The following FGF14 variants were observed in gnomAD, a reference collection of about 807,000 sequenced individuals.
FGF14 encodes the protein fibroblast growth factor 14.
In FGF14, 5 loss-of-function variants were observed where a neutral mutation model predicts 25.5. The ratio of observed to expected loss-of-function variants is 0.20; its 90% confidence interval spans 0.10 to 0.41. The LOEUF (loss-of-function observed/expected upper bound fraction) is 0.41, where lower values mean the gene tolerates loss of function less well. Ranked by LOEUF, FGF14 falls within the 10% of genes least tolerant of loss-of-function variation. The probability of loss-of-function intolerance (pLI) is 1.00; values close to 1 mark genes in which losing one functional copy is unlikely to be tolerated. For missense variants in FGF14, 222 were observed against 320.1 expected (o/e 0.69, Z 2.34); for synonymous variants, 138 against 118.3 (o/e 1.17, Z -1.08).
chr13:102,245,907 A>G (rs1432586899), intron 1 of FGF14, among the ~76,000 whole-genome samples: 1 of 152,110 alleles, frequency 6.6e-6, no homozygotes, highest in Non-Finnish European at 1.5e-5. Context: ...AAAAACACAA[A>G]CTTAGCAGCT....
intron 1 of FGF14, among the ~76,000 whole-genome samples, chr13:102,289,276 A>G (rs1395852259): frequency 6.6e-6 from 1 of 152,194 alleles, no homozygotes; most frequent in Non-Finnish European, 1.5e-5. Flanking sequence ...ACACATTCAT[A>G]CATTGATACA....
Position 102,385,067 on chromosome 13 carries a change from G to T in FGF14, c.208+16404C>A, listed in dbSNP as rs561554958. ...CTAACCACATACAATAGAAATCAAT[G>T]ATATACGATATGTTAAAACTCCTGC... On this transcript the variant is annotated intron_variant, in intron 1 of 4. Coordinates refer to the FGF14 transcript ENST00000376131. Among the ~76,000 whole-genome samples, 4 of 152,274 alleles carry T rather than the reference G, an allele frequency of 2.6e-5. No individual in the cohort carries two copies. In the East Asian group the frequency reaches 7.7e-4, roughly 29 times the overall value.
chr13:101,925,754 T>C (rs981219538), intron 1 of FGF14, among the ~76,000 whole-genome samples: 30 of 152,232 alleles, frequency 2.0e-4, no homozygotes, highest in African/African-American at 6.8e-4. Context: ...CAAATTAGCA[T>C]AAACTTAGTT....
intron 1 of FGF14, among the ~76,000 whole-genome samples, chr13:102,330,086 C>A (rs1349047354): frequency 6.6e-6 from 1 of 152,144 alleles, no homozygotes; most frequent in African/African-American, 2.4e-5. Context: ...GGCAGGGAGC[C>A]AGCAGAGACG....
chr13:102,053,298 T>C (rs573673110), intron 1 of FGF14, among the ~76,000 whole-genome samples: 18 of 152,030 alleles, frequency 1.2e-4, no homozygotes, highest in African/African-American at 4.1e-4. Flanking sequence ...TCCAACAATA[T>C]GCTGCCTACA....
chr13:102,316,472 A>G (rs2056028536), intron 1 of FGF14, among the ~76,000 whole-genome samples: 1 of 152,212 alleles, frequency 6.6e-6, no homozygotes, highest in Non-Finnish European at 1.5e-5. Context: ...AAATAAATGA[A>G]TAATTTTTAA....
At chr13:102,096,987 T>C (rs2140269755) in intron 1 of FGF14, among the ~76,000 whole-genome samples, 1 of 152,044 alleles carries the variant, frequency 6.6e-6, no homozygotes, top group Non-Finnish European at 1.5e-5. Context: ...TTCCCATACT[T>C]GCAATGAAAT....
intron 1 of FGF14, among the ~76,000 whole-genome samples, chr13:102,338,614 G>T (rs1310970987): frequency 6.6e-6 from 1 of 152,104 alleles, no homozygotes; most frequent in African/African-American, 2.4e-5. Flanking sequence ...AAACAAAAGT[G>T]AGAAACAAAA....
At chr13:101,831,069 A>G (rs900231620) in intron 3 of FGF14, among the ~76,000 whole-genome samples, 1 of 152,068 alleles carries the variant, frequency 6.6e-6, no homozygotes, top group Middle Eastern at 3.2e-3. Flanking sequence ...CTCTTTTGCC[A>G]TGTAAGGTAA....
At chr13:101,736,770 G>A (rs546277257) in intron 3 of FGF14, among the ~76,000 whole-genome samples, 1 of 152,026 alleles carries the variant, frequency 6.6e-6, no homozygotes, top group East Asian at 2.0e-4. Context: ...ATACAGTGCT[G>A]CAGGTGAATA....
chr13:101,957,792 G>A (rs2036600014), intron 1 of FGF14, among the ~76,000 whole-genome samples: 1 of 152,104 alleles, frequency 6.6e-6, no homozygotes, highest in African/African-American at 2.4e-5. Flanking sequence ...TCTAGAGGAT[G>A]TGTGGCATGA....
chr13:102,252,286 C>A (rs770354318), intron 1 of FGF14, among the ~76,000 whole-genome samples: 5 of 152,208 alleles, frequency 3.3e-5, no homozygotes, highest in Non-Finnish European at 2.9e-5. Context: ...TCACTGGTTT[C>A]ATGGGGCAAA....
At chr13:102,003,572 G>A (rs2039618799) in intron 1 of FGF14, among the ~76,000 whole-genome samples, 1 of 151,986 alleles carries the variant, frequency 6.6e-6, no homozygotes, top group East Asian at 1.9e-4. Flanking sequence ...CATCAAAGAT[G>A]TTGTGACCAA....
At chr13:102,268,987 C>T (rs1269392115) in intron 1 of FGF14, among the ~76,000 whole-genome samples, 6 of 152,156 alleles carry the variant, frequency 3.9e-5, no homozygotes, top group East Asian at 3.8e-4. Flanking sequence ...TATCACCTAA[C>T]AATTAGCAAT....
intron 1 of FGF14, among the ~76,000 whole-genome samples, chr13:102,176,460 A>G (rs890419090): frequency 3.3e-5 from 5 of 152,120 alleles, no homozygotes; most frequent in African/African-American, 7.2e-5. Flanking sequence ...AAAATTGCCT[A>G]TTGGTTACAA....
rs151146435 is a variant in FGF14, at chr13:102,387,833, G to A, written c.208+13638C>T. 1.6e-3 allele frequency among the ~76,000 whole-genome samples: 239 copies of A among 152,218 alleles called. 2 individuals are homozygous for A. Among genetic ancestry groups the A allele is most frequent in the African/African-American group, 5.3e-3 (219 of 41,536 alleles). ...TGCAACCTCTGCCTCCCAGGTTCAAGCGATTCTCCTGCCTCAGCCTCCTGT... is the reference window on the plus strand; with the variant it reads ...TGCAACCTCTGCCTCCCAGGTTCAAACGATTCTCCTGCCTCAGCCTCCTGT... On this transcript the variant is annotated intron_variant, in intron 1 of 4. Transcript: ENST00000376131.
chr13:101,861,008 T>C (rs974565175), intron 3 of FGF14, among the ~76,000 whole-genome samples: 1 of 152,118 alleles, frequency 6.6e-6, no homozygotes, highest in African/African-American at 2.4e-5. Context: ...AGCATGTAGA[T>C]TCTATATACT....
chr13:101,822,493 C>CT (rs2042203140), intron 3 of FGF14, among the ~76,000 whole-genome samples: 1 of 85,176 alleles, frequency 1.2e-5, no homozygotes, highest in Non-Finnish European at 2.8e-5. Context: ...TAAATTTCTA[C>CT]CAAAAAAAAA....
chr13:102,286,124 T>C (rs1404746175), intron 1 of FGF14, among the ~76,000 whole-genome samples: 2 of 152,174 alleles, frequency 1.3e-5, no homozygotes, highest in East Asian at 3.9e-4. Flanking sequence ...AGTAGTCTCG[T>C]TCATGAATGT....
Sources: allele counts gnomAD v4.1 joint callset (sites outside exome capture counted in the v4.1 genomes callset), GRCh38; gene constraint gnomAD v4.1.1; transcripts MANE v1.5; gene names NCBI Gene and HGNC (gene_info 2026-07-23, HGNC 2026-07-21).